FAM168A: variants seen among roughly 807,000 people sequenced by gnomAD.
FAM168A encodes protein FAM168A.
A neutral mutation model predicts 28.5 loss-of-function variants in FAM168A; 3 were observed. The observed-to-expected ratio is 0.11, with a 90% CI of 0.05 to 0.27. The LOEUF (loss-of-function observed/expected upper bound fraction) is 0.27, where lower values mean the gene tolerates loss of function less well. FAM168A is among the 10% of genes least tolerant of loss of function. The probability of loss-of-function intolerance (pLI) is 1.00; values close to 1 mark genes in which losing one functional copy is unlikely to be tolerated. For synonymous variants in FAM168A, 122 were observed against 124.2 expected, an observed-to-expected ratio of 0.98 and a Z score of 0.12; for missense variants, 222 against 311.5, an observed-to-expected ratio of 0.71 and a Z score of 2.16.
At chr11:73,561,446 A>G (rs1012184918) in intron 1 of FAM168A, among the ~76,000 whole-genome samples, 5 of 151,954 alleles carry the variant, frequency 3.3e-5, no homozygotes, top group Admixed American at 2.0e-4. Flanking sequence ...TAGTTCACCT[A>G]TAGCAACTGG....
chr11:73,408,940 GCA>G (rs1406853616), intron 6 of FAM168A, among the ~76,000 whole-genome samples: 2 of 151,948 alleles, frequency 1.3e-5, no homozygotes, highest in Non-Finnish European at 2.9e-5. Flanking sequence ...TGGAGTGCTA[GCA>G]TCATCTCTCT....
rs114616325 is a variant in FAM168A at position 73,553,505 on chromosome 11, G to A, written c.-19+44418C>T. On this transcript the variant is annotated intron_variant, in intron 1 of 7. Coordinates refer to ENST00000356467, the MANE Select transcript of FAM168A (RefSeq NM_015159.3). ...CCCTCACTGTAAACAAATGAGGATG[G>A]AGGACACTGAGAGGATCAAATATGA... is the stretch of plus-strand genomic sequence containing the variant. Among the ~76,000 whole-genome samples the A allele has an allele frequency of 6.4e-3, 975 of 152,266 alleles. 9 individuals carry two copies. Among genetic ancestry groups the A allele is most frequent in the African/African-American group, 0.022 (923 of 41,542 alleles).
intron 1 of FAM168A, among the ~76,000 whole-genome samples, chr11:73,567,114 T>C (rs1590735331): frequency 6.6e-6 from 1 of 152,124 alleles, no homozygotes; most frequent in Non-Finnish European, 1.5e-5. Context: ...GAGGCTGCCG[T>C]CCACACAAGA....
chr11:73,572,285 C>T (rs1362005513), intron 1 of FAM168A, among the ~76,000 whole-genome samples: 2 of 152,082 alleles, frequency 1.3e-5, no homozygotes, highest in Non-Finnish European at 2.9e-5. Context: ...CCAGCCGCCC[C>T]GTCCAGGAGG....
chr11:73,494,603 T>C (rs1319154402), intron 1 of FAM168A, among the ~76,000 whole-genome samples: 1 of 152,142 alleles, frequency 6.6e-6, no homozygotes, highest in Non-Finnish European at 1.5e-5. Flanking sequence ...AAGAGTTTTA[T>C]TGTGATGAAG....
intron 1 of FAM168A, among the ~76,000 whole-genome samples, chr11:73,557,412 C>G (rs144011052): frequency 6.6e-6 from 1 of 151,414 alleles, no homozygotes; most frequent in African/African-American, 2.4e-5. Flanking sequence ...TAATTTTTAG[C>G]AGGGATGGGG....
intron 3 of FAM168A, among the ~76,000 whole-genome samples, chr11:73,420,517 G>T (rs1380227954): frequency 6.6e-6 from 1 of 152,200 alleles, no homozygotes; most frequent in East Asian, 1.9e-4. Flanking sequence ...ACTGAGCTGT[G>T]GCCATGGTAG....
chr11:73,551,266 T>C (rs932596779), intron 1 of FAM168A, among the ~76,000 whole-genome samples: 2 of 152,172 alleles, frequency 1.3e-5, no homozygotes, highest in Non-Finnish European at 2.9e-5. Flanking sequence ...ACAATCTGTA[T>C]TCAACAAAGC....
intron 4 of FAM168A, among the ~76,000 whole-genome samples, chr11:73,415,255 A>T (rs982483576): frequency 6.6e-6 from 1 of 152,260 alleles, no homozygotes; most frequent in Non-Finnish European, 1.5e-5. Flanking sequence ...AGTCTGAGAT[A>T]GAAGCAGAAC....
At chr11:73,513,207 T>G (rs1196794248) in intron 1 of FAM168A, among the ~76,000 whole-genome samples, 1 of 114,146 alleles carries the variant, frequency 8.8e-6, no homozygotes, top group Non-Finnish European at 1.9e-5. Context: ...TTTTTTTAAT[T>G]TTTTTTTTTT....
intron 1 of FAM168A, among the ~76,000 whole-genome samples, chr11:73,563,737 C>T (rs1943985686): frequency 6.6e-6 from 1 of 152,140 alleles, no homozygotes; most frequent in South Asian, 2.1e-4. Flanking sequence ...GAAAAAGAAA[C>T]TGAGACTAAG....
chr11:73,484,571 T>TATATATCTATATATCG (rs1868018830), intron 1 of FAM168A, among the ~76,000 whole-genome samples: 1 of 145,568 alleles, frequency 6.9e-6, no homozygotes. Context: ...TCTATATATC[T>TATATATCTATATATCG]ATATATCGAT....
At chr11:73,520,846 T>C (rs1943366142) in intron 1 of FAM168A, among the ~76,000 whole-genome samples, 1 of 151,872 alleles carries the variant, frequency 6.6e-6, no homozygotes, top group African/African-American at 2.4e-5. Flanking sequence ...TGTGGTTATA[T>C]ATTATTTTAA....
chr11:73,431,909 T>C (rs1867001943), intron 2 of FAM168A, among the ~76,000 whole-genome samples: 1 of 152,188 alleles, frequency 6.6e-6, no homozygotes, highest in African/African-American at 2.4e-5. Context: ...AAACAGAAAC[T>C]CTGTAACCAT....
At chr11:73,441,792 C>T (rs1406755651) in intron 2 of FAM168A, among the ~76,000 whole-genome samples, 1 of 152,224 alleles carries the variant, frequency 6.6e-6, no homozygotes, top group African/African-American at 2.4e-5. Flanking sequence ...AATTTGTTAG[C>T]ATACAATTGT....
At chr11:73,487,586 T>C (rs1309688403) in intron 1 of FAM168A, among the ~76,000 whole-genome samples, 1 of 152,192 alleles carries the variant, frequency 6.6e-6, no homozygotes, top group African/African-American at 2.4e-5. Flanking sequence ...TTAATAACTA[T>C]ATAAGTAATG....
chr11:73,582,044 T>C (rs1461654286), intron 1 of FAM168A, among the ~76,000 whole-genome samples: 4 of 151,990 alleles, frequency 2.6e-5, no homozygotes, highest in Non-Finnish European at 5.9e-5. Context: ...CTTGTCTCTA[T>C]TGCATCTGGA....
At chr11:73,432,112 C>T (rs11235752) in intron 2 of FAM168A, among the ~76,000 whole-genome samples, 6,039 of 152,300 alleles carry the variant, frequency 0.04, 160 homozygotes, top group Non-Finnish European at 0.061. Context: ...AAACTTCCTT[C>T]TTCTTTATGG....
intron 1 of FAM168A, among the ~76,000 whole-genome samples, chr11:73,581,026 T>C (rs888247042): frequency 1.3e-5 from 2 of 152,228 alleles, no homozygotes; most frequent in African/African-American, 4.8e-5. Flanking sequence ...TTCTAGATTG[T>C]GGATCTTCAG....
Sources: gnomAD v4.1 joint callset for allele counts (sites outside exome capture counted in the v4.1 genomes callset) on GRCh38, gnomAD v4.1.1 for gene constraint, MANE v1.5 for transcripts, NCBI Gene and HGNC (gene_info 2026-07-23, HGNC 2026-07-21) for gene names.